Variants in XKR4 observed in about 807,000 individuals in gnomAD.
XKR4 encodes XK related 4, also known as XK-related protein 4.
Under a neutral mutation model 53.9 loss-of-function variants are expected in XKR4, and 12 were observed. The observed-to-expected ratio is 0.22, with a 90% confidence interval of 0.14 to 0.36. The LOEUF (loss-of-function observed/expected upper bound fraction) is 0.36, where lower values mean the gene tolerates loss of function less well. XKR4 is among the 10% of genes least tolerant of loss of function. The pLI is 1.00. For missense variants in XKR4, 799 were observed against 859.5 expected, an observed-to-expected ratio of 0.93 and a Z score of 0.88; for synonymous variants, 354 against 362.4, an observed-to-expected ratio of 0.98 and a Z score of 0.26.
intron 2 of XKR4, among the ~76,000 whole-genome samples, chr8:55,436,176 A>G (rs1805175090): frequency 6.6e-6 from 1 of 152,168 alleles, no homozygotes; most frequent in African/African-American, 2.4e-5. Context: ...TCAATGAGGA[A>G]CATTTTTCTT....
Position 55,524,390 on chromosome 8 carries a change from C to G in XKR4, c.*163C>G, listed in dbSNP as rs1806851719. 1.4e-6 allele frequency: 1 copy of G among 719,116 alleles called. No homozygotes were observed. The allele number at this position is 719,116 out of a possible 1,614,324, so 44.5% of individuals were successfully genotyped here. The stretch of plus-strand genomic sequence containing the variant: ...ATCCTGTCGGCTGGGGGCGGCTGGT[C>G]TCCTTCCAAAGCAGCTGCACCCGAG... On this transcript the variant is annotated 3_prime_UTR_variant, in exon 3 of 3. Transcript: ENST00000327381.
In XKR4 at chr8:55,371,840, G is replaced by T. The variant is rs532184178; in HGVS notation, c.1006+13963G>T. Among the ~76,000 whole-genome samples the T allele has an allele frequency of 2.0e-5, 3 of 152,256 alleles. No homozygotes were observed. In the South Asian group the frequency reaches 6.2e-4, roughly 32 times the overall value. ...TCAAGTGCTTGAAATCAGCTCTATG[G>T]TATATCAACCCCCAGCACAGCTGTG... On this transcript the variant is annotated intron_variant, in intron 2 of 2. Coordinates refer to ENST00000327381, the MANE Select transcript of XKR4 (RefSeq NM_052898.2).
At chr8:55,130,512 C>A (rs890622284) in intron 1 of XKR4, among the ~76,000 whole-genome samples, 1 of 152,158 alleles carries the variant, frequency 6.6e-6, no homozygotes, top group Non-Finnish European at 1.5e-5. Context: ...GTCTTGTCAG[C>A]CAAGGTGAGG....
chr8:55,226,056 A>G (rs1314195411), intron 1 of XKR4, among the ~76,000 whole-genome samples: 1 of 152,186 alleles, frequency 6.6e-6, no homozygotes, highest in Non-Finnish European at 1.5e-5. Context: ...GGTCCACATG[A>G]ATGCCTGGGC....
At chr8:55,277,995 T>A (rs985046489) in intron 1 of XKR4, among the ~76,000 whole-genome samples, 1 of 152,228 alleles carries the variant, frequency 6.6e-6, no homozygotes, top group Non-Finnish European at 1.5e-5. Context: ...GCAGGAGTCC[T>A]AAGCATTGGG....
intron 2 of XKR4, among the ~76,000 whole-genome samples, chr8:55,442,791 G>T (rs1805289413): frequency 6.6e-6 from 1 of 152,210 alleles, no homozygotes. Flanking sequence ...GACACAGAAG[G>T]TAGATTAGTG....
intron 1 of XKR4, among the ~76,000 whole-genome samples, chr8:55,241,287 CT>C (rs1419469790): frequency 1.6e-4 from 24 of 152,188 alleles, no homozygotes; most frequent in African/African-American, 5.3e-4. Context: ...GATCCCTATC[CT>C]CATGAAACAC....
intron 2 of XKR4, chr8:55,450,640 G>T (rs1805423926): frequency 1.6e-6 from 1 of 630,466 alleles, no homozygotes; most frequent in Non-Finnish European, 3.0e-6. Context: ...GGCAGTCCAA[G>T]AACTACAGGA....
intron 1 of XKR4, among the ~76,000 whole-genome samples, chr8:55,231,198 A>C (rs1023833385): frequency 6.6e-6 from 1 of 152,250 alleles, no homozygotes; most frequent in Admixed American, 6.5e-5. Context: ...CAAAATTAAA[A>C]TATTGAGGCT....
chr8:55,166,343 A>T (rs982818557), intron 1 of XKR4, among the ~76,000 whole-genome samples: 1 of 152,190 alleles, frequency 6.6e-6, no homozygotes, highest in Admixed American at 6.5e-5. Flanking sequence ...GAGCACAAGG[A>T]GACAGTCTGG....
In XKR4 at chr8:55,523,835, G is replaced by A; in HGVS notation, c.1561G>A (p.Gly521Arg). 1 of 1,614,106 alleles carries A rather than the reference G, an allele frequency of 6.2e-7. No individual in the cohort carries two copies. The change falls in exon 3 of 3, where the codon GGG becomes AGG. Residue 521 changes from glycine (G) to arginine (R), a missense_variant. Around this residue, in one of 3 missense-constraint regions of XKR4, gnomAD observed 269 missense variants for 264.4 expected, o/e 1.02. Transcript: ENST00000327381. ...CTTTCATCCCAATGGACCCAGATTC[G>A]GGCAGTCACCAAGTTGTGCTTGTGA... ...AFFHPNGPRFGQSPSCACEDP... is the reference protein window; with the variant it reads ...AFFHPNGPRFRQSPSCACEDP...
At chr8:55,270,231 C>T (rs545160823) in intron 1 of XKR4, among the ~76,000 whole-genome samples, 1 of 152,154 alleles carries the variant, frequency 6.6e-6, no homozygotes, top group Non-Finnish European at 1.5e-5. Context: ...CCTCTGAAGT[C>T]CACCTTGCTT....
At chr8:55,123,904 A>G (rs1207662927) in intron 1 of XKR4, among the ~76,000 whole-genome samples, 2 of 152,132 alleles carry the variant, frequency 1.3e-5, no homozygotes, top group East Asian at 3.9e-4. Flanking sequence ...AACAATTCTC[A>G]TTGGACAAAA....
At chr8:55,239,834 A>G (rs890837234) in intron 1 of XKR4, among the ~76,000 whole-genome samples, 1 of 152,192 alleles carries the variant, frequency 6.6e-6, no homozygotes, top group African/African-American at 2.4e-5. Flanking sequence ...CACCAGTTGC[A>G]TGGTAGTTGA....
rs542589667 is a variant in XKR4, at chr8:55,536,377, T to G, written c.*12150T>G. On this transcript the variant is annotated 3_prime_UTR_variant, in exon 3 of 3. Transcript: ENST00000327381. ...TTCAACATCTGAATTTTCCAGATGATTGCGGAACCATCGTCACTAAACCAA... is the reference window on the plus strand; with the variant it reads ...TTCAACATCTGAATTTTCCAGATGAGTGCGGAACCATCGTCACTAAACCAA... The G allele has an allele frequency of 1.3e-5, 2 of 152,232 alleles. No homozygotes were observed. The highest frequency in any genetic ancestry group is 1.3e-4 in the Admixed American group (2 of 15,288). The allele number at this position is 152,232 out of a possible 1,614,324, so 9.4% of individuals were successfully genotyped here. A position where few individuals can be genotyped will look rare whatever the true frequency, so the allele number is the denominator to read the frequency against.
chr8:55,340,429 T>G (rs1803527590), intron 1 of XKR4, among the ~76,000 whole-genome samples: 2 of 152,240 alleles, frequency 1.3e-5, no homozygotes, highest in African/African-American at 4.8e-5. Flanking sequence ...AGATAAACTA[T>G]GTACAACAGA....
chr8:55,189,874 A>G (rs940718486), intron 1 of XKR4, among the ~76,000 whole-genome samples: 8 of 152,216 alleles, frequency 5.3e-5, no homozygotes, highest in Admixed American at 2.0e-4. Context: ...AGGTGTTCAC[A>G]TAGCCTAAAA....
At chr8:55,481,825 T>G (rs36179337) in intron 2 of XKR4, among the ~76,000 whole-genome samples, 51,869 of 151,290 alleles carry the variant, frequency 0.34, 10,767 homozygotes, top group African/African-American at 0.6. Context: ...TCAGAGAAAT[T>G]CAAATCAAAA....
At chr8:55,216,487 A>G (rs1193644980) in intron 1 of XKR4, among the ~76,000 whole-genome samples, 10 of 152,152 alleles carry the variant, frequency 6.6e-5, no homozygotes, top group South Asian at 2.1e-4. Flanking sequence ...CAGCACTTTG[A>G]GAGGCCAAGG....
Sources: allele counts gnomAD v4.1 joint callset (sites outside exome capture counted in the v4.1 genomes callset), GRCh38; gene constraint gnomAD v4.1.1; regional missense constraint gnomAD v4.1.1; transcripts MANE v1.5; gene names NCBI Gene and HGNC (gene_info 2026-07-23, HGNC 2026-07-21).